SLC35F3: variants seen among roughly 807,000 people sequenced by gnomAD.
SLC35F3 encodes solute carrier family 35 member F3.
Under a neutral mutation model 49.9 loss-of-function variants are expected in SLC35F3, and 25 were observed. That is an observed-to-expected ratio of 0.50 (90% CI 0.37 to 0.70). SLC35F3 has a LOEUF of 0.70. Ranked by LOEUF, SLC35F3 falls within the 30% of genes least tolerant of loss-of-function variation. The pLI is 0.00. For missense variants in SLC35F3, 525 were observed against 639.8 expected (o/e 0.82, Z 1.94); for synonymous variants, 275 against 265.4 (o/e 1.04, Z -0.35).
chr1:234,007,084 G>T (rs1039881931), intron 2 of SLC35F3, among the ~76,000 whole-genome samples: 1 of 152,052 alleles, frequency 6.6e-6, no homozygotes, highest in Non-Finnish European at 1.5e-5. Flanking sequence ...TTGTGTTCCC[G>T]TAAAACTTAA....
intron 2 of SLC35F3, among the ~76,000 whole-genome samples, chr1:234,113,067 T>TA (rs1176250980): frequency 4.6e-5 from 7 of 151,712 alleles, no homozygotes; most frequent in South Asian, 2.1e-4. Flanking sequence ...ATCCCCATTT[T>TA]AAAAAAAGAA....
At chr1:234,079,459 A>G (rs1420448086) in intron 2 of SLC35F3, among the ~76,000 whole-genome samples, 1 of 152,246 alleles carries the variant, frequency 6.6e-6, no homozygotes, top group Admixed American at 6.5e-5. Flanking sequence ...ACTTCAGAGT[A>G]AAAAGACAAC....
intron 2 of SLC35F3, among the ~76,000 whole-genome samples, chr1:233,993,700 T>G (rs1053998225): frequency 6.6e-6 from 1 of 152,080 alleles, no homozygotes. Flanking sequence ...TGAAGTCTAG[T>G]TCAGTCACTA....
At chr1:233,913,685 T>TAA (rs1661922388) in intron 2 of SLC35F3, among the ~76,000 whole-genome samples, 1 of 152,236 alleles carries the variant, frequency 6.6e-6, no homozygotes, top group Non-Finnish European at 1.5e-5. Context: ...AGCATCTACA[T>TAA]TTCTGTAGGG....
chr1:234,029,988 G>A (rs891991129), intron 2 of SLC35F3, among the ~76,000 whole-genome samples: 3 of 152,092 alleles, frequency 2.0e-5, no homozygotes, highest in Non-Finnish European at 2.9e-5. Context: ...CCAAAGAGAC[G>A]TTAGGTTCCT....
In SLC35F3 at chr1:234,323,651, T is replaced by C. The variant is rs1657686258; in HGVS notation, c.*408T>C. 1 of 189,254 alleles carries C rather than the reference T, an allele frequency of 5.3e-6. No homozygotes were observed. Among genetic ancestry groups the C allele is most frequent in the Non-Finnish European group, 1.1e-5 (1 of 90,442 alleles). The allele number at this position is 189,254 out of a possible 1,614,324, so 11.7% of individuals were successfully genotyped here. Reference sequence around the variant, plus strand: ...AGCTATGGTAGGTCATATTTTGTTTTATACCAGAGCTGTACTCTTAATTTT... The same window carrying C: ...AGCTATGGTAGGTCATATTTTGTTTCATACCAGAGCTGTACTCTTAATTTT... On this transcript the variant is annotated 3_prime_UTR_variant, in exon 8 of 8. Coordinates refer to ENST00000366618, the MANE Select transcript of SLC35F3 (RefSeq NM_173508.4). The surrounding 1 kb of genome is among the most constrained non-coding windows in gnomAD (Gnocchi z 4.5).
intron 2 of SLC35F3, among the ~76,000 whole-genome samples, chr1:234,196,161 T>A (rs1274130002): frequency 6.6e-6 from 1 of 152,206 alleles, no homozygotes; most frequent in Non-Finnish European, 1.5e-5. Flanking sequence ...CAGTGTGTCA[T>A]GTTAATTTAC....
In SLC35F3 at chr1:233,990,006, G is replaced by A. The variant is rs376599808; in HGVS notation, c.283+84248G>A. On this transcript the variant is annotated intron_variant, in intron 2 of 7. Transcript: ENST00000366618. ...AGTATCTGTGTCAAAGGAAACTTAA[G>A]TTACATTCAGATCTTTGGATCACTG... Among the ~76,000 whole-genome samples, 10 of 152,202 alleles carry A rather than the reference G, an allele frequency of 6.6e-5. No homozygotes were observed. In the East Asian group the frequency reaches 1.9e-3, roughly 29 times the overall value.
chr1:234,001,592 A>G (rs1231438341), intron 2 of SLC35F3, among the ~76,000 whole-genome samples: 1 of 152,186 alleles, frequency 6.6e-6, no homozygotes, highest in Non-Finnish European at 1.5e-5. Flanking sequence ...CCCCTTTTAC[A>G]TGCAAGAAAA....
chr1:233,915,070 C>A (rs996284230), intron 2 of SLC35F3, among the ~76,000 whole-genome samples: 9 of 152,218 alleles, frequency 5.9e-5, no homozygotes, highest in African/African-American at 1.7e-4. Flanking sequence ...ACTCCTCAAA[C>A]AGAGATATTC....
chr1:234,199,730 G>T (rs1236664038), intron 2 of SLC35F3, among the ~76,000 whole-genome samples: 2 of 151,906 alleles, frequency 1.3e-5, no homozygotes, highest in African/African-American at 2.4e-5. Flanking sequence ...GAAAATATTT[G>T]CAAACCATAC....
chr1:234,143,272 T>C lies in SLC35F3; in HGVS notation c.284-88145T>C, dbSNP rs1665943710. 5.2e-5 allele frequency among the ~76,000 whole-genome samples: 6 copies of C among 114,786 alleles called. No individual in the cohort carries two copies. In the South Asian group the frequency reaches 1.6e-3, roughly 31 times the overall value. 75.3% of individuals were successfully genotyped at this position (114,786 alleles called of 152,430 possible). On this transcript the variant is annotated intron_variant, in intron 2 of 7. Transcript: ENST00000366618. ...TTCTCTCTGCTTCTATGAGTTTGAC[T>C]CTTTTCTTTTCTTTTCTTTTTTTTT...
chr1:234,149,975 A>G (rs1666053985), intron 2 of SLC35F3, among the ~76,000 whole-genome samples: 1 of 152,236 alleles, frequency 6.6e-6, no homozygotes, highest in African/African-American at 2.4e-5. Context: ...TGCTTTCTCC[A>G]GAGAGGTTCC....
intron 2 of SLC35F3, among the ~76,000 whole-genome samples, chr1:234,177,059 C>A (rs572342383): frequency 3.9e-5 from 6 of 152,108 alleles, no homozygotes; most frequent in Non-Finnish European, 5.9e-5. Flanking sequence ...AGGAACCCAG[C>A]GGGAGGTGAG....
At chr1:234,302,039 A>T (rs1553262883) in intron 3 of SLC35F3, among the ~76,000 whole-genome samples, 1 of 152,124 alleles carries the variant, frequency 6.6e-6, no homozygotes, top group Non-Finnish European at 1.5e-5. Flanking sequence ...GGGCCTGTTG[A>T]AGGATGAGGG....
At chr1:234,136,272 C>CTTCTTTCTT (rs1490923425) in intron 2 of SLC35F3, among the ~76,000 whole-genome samples, 1 of 150,980 alleles carries the variant, frequency 6.6e-6, no homozygotes, top group East Asian at 1.9e-4. Context: ...CTTTCTTTCT[C>CTTCTTTCTT]TCTCTTTCTC....
intron 2 of SLC35F3, among the ~76,000 whole-genome samples, chr1:234,216,451 T>A (rs1289141667): frequency 6.6e-6 from 1 of 152,168 alleles, no homozygotes; most frequent in African/African-American, 2.4e-5. Flanking sequence ...GCACAGGTAC[T>A]TCCCTATGGC....
chr1:233,988,968 A>G (rs375837062), intron 2 of SLC35F3, among the ~76,000 whole-genome samples: 1 of 152,254 alleles, frequency 6.6e-6, no homozygotes, highest in South Asian at 2.1e-4. Context: ...ATCCACTGAC[A>G]TTAGAAAACT....
chr1:234,278,010 A>C (rs2102979128), intron 3 of SLC35F3, among the ~76,000 whole-genome samples: 1 of 152,168 alleles, frequency 6.6e-6, no homozygotes, highest in East Asian at 1.9e-4. Flanking sequence ...CCTGGGCAAC[A>C]TGGTGAAACC....
Sources: allele counts gnomAD v4.1 joint callset (sites outside exome capture counted in the v4.1 genomes callset), GRCh38; gene constraint gnomAD v4.1.1; non-coding constraint Gnocchi (gnomAD v3.1); transcripts MANE v1.5; gene names NCBI Gene and HGNC (gene_info 2026-07-23, HGNC 2026-07-21).